The following RORA variants were observed in gnomAD, a reference collection of about 807,000 sequenced individuals.
The protein encoded by RORA is nuclear receptor ROR-alpha.
Under a neutral mutation model 69.5 loss-of-function variants are expected in RORA, and 7 were observed. The observed-to-expected ratio is 0.10, with a 90% confidence interval of 0.06 to 0.19. RORA has a LOEUF of 0.19. Ranked by LOEUF, RORA falls within the 10% of genes least tolerant of loss-of-function variation. The pLI is 1.00. For missense variants in RORA, 457 were observed against 663.0 expected, an observed-to-expected ratio of 0.69 and a Z score of 3.41; for synonymous variants, 261 against 240.8, an observed-to-expected ratio of 1.08 and a Z score of -0.78.
intron 2 of RORA, among the ~76,000 whole-genome samples, chr15:60,588,081 G>T (rs1165967558): frequency 1.3e-5 from 2 of 152,164 alleles, no homozygotes; most frequent in Non-Finnish European, 2.9e-5. Context: ...GACAGAACTT[G>T]TAAATCATTC....
intron 2 of RORA, chr15:60,627,525 T>C: frequency 2.1e-6 from 3 of 1,453,834 alleles, no homozygotes; most frequent in East Asian, 4.8e-5. Context: ...AGAGGCCCTG[T>C]GAATCTGCTG....
intron 3 of RORA, among the ~76,000 whole-genome samples, chr15:60,516,001 TTA>T (rs370746345): frequency 0.63 from 9,741 of 15,400 alleles, 2,866 homozygotes; most frequent in South Asian, 0.73. Flanking sequence ...TTATATATAT[TTA>T]TATATATTTA....
chr15:60,561,064 T>G (rs1477415805), intron 2 of RORA, among the ~76,000 whole-genome samples: 2 of 139,318 alleles, frequency 1.4e-5, no homozygotes, highest in African/African-American at 6.4e-5. Flanking sequence ...GTGTTTTTTT[T>G]TTTTTTGTTT....
intron 1 of RORA, among the ~76,000 whole-genome samples, chr15:60,857,465 G>A (rs2073392983): frequency 6.6e-6 from 1 of 152,118 alleles, no homozygotes; most frequent in Non-Finnish European, 1.5e-5. Context: ...AACATGCCAG[G>A]CTTTGGAATG....
At chr15:60,676,883 G>A (rs1003308896) in intron 2 of RORA, among the ~76,000 whole-genome samples, 1 of 152,136 alleles carries the variant, frequency 6.6e-6, no homozygotes, top group African/African-American at 2.4e-5. Flanking sequence ...CTCTTTATAT[G>A]GACTGTCTGT....
chr15:60,942,909 G>C (rs1232768865), intron 1 of RORA, among the ~76,000 whole-genome samples: 1 of 152,206 alleles, frequency 6.6e-6, no homozygotes, highest in Non-Finnish European at 1.5e-5. Flanking sequence ...ATATTATCAA[G>C]CCCACGAAGC....
At chr15:60,982,779 G>A (rs1348651179) in intron 1 of RORA, among the ~76,000 whole-genome samples, 2 of 152,158 alleles carry the variant, frequency 1.3e-5, no homozygotes, top group African/African-American at 2.4e-5. Context: ...GCTTCCCAGA[G>A]TACTTCAAGT....
chr15:60,626,386 G>C (rs1160690039), intron 2 of RORA, among the ~76,000 whole-genome samples: 1 of 152,136 alleles, frequency 6.6e-6, no homozygotes, highest in East Asian at 1.9e-4. Context: ...TTTTGTTGTT[G>C]TTGTTGTCGT....
intron 1 of RORA, among the ~76,000 whole-genome samples, chr15:60,777,570 T>C (rs1489858958): frequency 6.6e-6 from 1 of 152,230 alleles, no homozygotes; most frequent in Non-Finnish European, 1.5e-5. Context: ...AATGTGATCA[T>C]TTCTGCGAGA....
At chr15:60,735,671 G>A (rs1272428784) in intron 1 of RORA, among the ~76,000 whole-genome samples, 1 of 152,164 alleles carries the variant, frequency 6.6e-6, no homozygotes, top group Non-Finnish European at 1.5e-5. Context: ...AACTCCATGT[G>A]AATTGGAATG....
rs970862193 is a variant in RORA, at chr15:60,590,327, G to T, written c.197-58476C>A. 4.6e-5 allele frequency among the ~76,000 whole-genome samples: 7 copies of T among 152,182 alleles called. 1 individual carries two copies. The highest frequency in any genetic ancestry group is 4.6e-4 in the Admixed American group (7 of 15,282). On this transcript the variant is annotated intron_variant, in intron 2 of 10. Coordinates refer to ENST00000335670, the MANE Select transcript of RORA (RefSeq NM_134261.3). ...GTCACTCCAAGTGTGGGGGTAGCGT[G>T]TGTGATTCTTATTATTCTATTAGCA...
chr15:60,929,866 G>C (rs1259427642), intron 1 of RORA, among the ~76,000 whole-genome samples: 1 of 152,108 alleles, frequency 6.6e-6, no homozygotes, highest in East Asian at 1.9e-4. Context: ...GAGGAGCCCA[G>C]GAATGTGTAT....
At chr15:60,674,141 G>T (rs1596115383) in intron 2 of RORA, among the ~76,000 whole-genome samples, 1 of 152,158 alleles carries the variant, frequency 6.6e-6, no homozygotes, top group Non-Finnish European at 1.5e-5. Flanking sequence ...CACATGGGTT[G>T]CCACGGAAAC....
At chr15:60,707,070 C>G (rs183341766) in intron 1 of RORA, among the ~76,000 whole-genome samples, 4 of 152,266 alleles carry the variant, frequency 2.6e-5, no homozygotes, top group Non-Finnish European at 4.4e-5. Flanking sequence ...GGGAAGATAC[C>G]ACTTTTTCCA....
At chr15:60,993,277 A>T (rs1265674579) in intron 1 of RORA, among the ~76,000 whole-genome samples, 1 of 152,102 alleles carries the variant, frequency 6.6e-6, no homozygotes, top group Non-Finnish European at 1.5e-5. Flanking sequence ...CCTTCATAAC[A>T]TTATTGTGGG....
At chr15:60,947,346 G>C (rs1466719965) in intron 1 of RORA, among the ~76,000 whole-genome samples, 3 of 152,028 alleles carry the variant, frequency 2.0e-5, no homozygotes, top group Admixed American at 2.0e-4. Context: ...GTTCTGTACT[G>C]GGAAAAATTC....
At position 61,226,999 on chromosome 15, in the gene RORA, C is replaced by G. The variant is rs1055352190; in HGVS notation, c.166+2054G>C. Among the ~76,000 whole-genome samples the G allele has an allele frequency of 6.6e-6, 1 of 152,114 alleles. No individual in the cohort carries two copies. The highest frequency in any genetic ancestry group is 3.2e-3 in the Middle Eastern group (1 of 316). Reference sequence around the variant, plus strand: ...AAGGGGGCTGGTGGCACTGAATGCTCCGGCGTTACATAATTTGCAAGAACA... The same window carrying G: ...AAGGGGGCTGGTGGCACTGAATGCTGCGGCGTTACATAATTTGCAAGAACA... On this transcript the variant is annotated intron_variant, in intron 1 of 10. Coordinates refer to ENST00000335670, the MANE Select transcript of RORA (RefSeq NM_134261.3). This position sits in a 1 kb window ranked among gnomAD's most constrained non-coding sequence, Gnocchi z 4.2.
At chr15:61,115,814 CA>C (rs1192598702) in intron 1 of RORA, among the ~76,000 whole-genome samples, 1 of 152,102 alleles carries the variant, frequency 6.6e-6, no homozygotes, top group African/African-American at 2.4e-5. Flanking sequence ...CCAAAGGGCC[CA>C]AAAGCCATGA....
In RORA at chr15:60,492,480, C is replaced by G. The variant is rs7166059; in HGVS notation, c.*4975G>C. ...TTTTGGTTTGCTTCTAGAGGAGAAC[C>G]CATGAAAACAATAGTTAATTGCTGG... On this transcript the variant is annotated 3_prime_UTR_variant, in exon 11 of 11. Transcript: ENST00000335670. 1 of 152,162 alleles carries G rather than the reference C, an allele frequency of 6.6e-6. No individual in the cohort carries two copies. Among genetic ancestry groups the G allele is most frequent in the African/African-American group, 2.4e-5 (1 of 41,416 alleles). 9.4% of individuals were successfully genotyped at this position (152,162 alleles called of 1,614,324 possible). A position where few individuals can be genotyped will look rare whatever the true frequency, so the allele number is the denominator to read the frequency against.
Sources: allele counts gnomAD v4.1 joint callset (sites outside exome capture counted in the v4.1 genomes callset), GRCh38; gene constraint gnomAD v4.1.1; non-coding constraint Gnocchi (gnomAD v3.1); transcripts MANE v1.5; gene names NCBI Gene and HGNC (gene_info 2026-07-23, HGNC 2026-07-21).